Variants in RAB3IL1 observed in about 807,000 individuals in gnomAD.
RAB3IL1 encodes the protein RAB3A interacting protein like 1, also known as guanine nucleotide exchange factor for Rab-3A.
RAB3IL1 carries 37 observed loss-of-function variants against 49.2 expected under a neutral mutation model. The observed-to-expected ratio is 0.75, with a 90% confidence interval of 0.58 to 0.99. The LOEUF is 0.99. Ranked by LOEUF, RAB3IL1 falls within the 50% of genes least tolerant of loss-of-function variation. The pLI is 0.00. For synonymous variants in RAB3IL1, 193 were observed against 213.9 expected (o/e 0.90, Z 0.85); for missense variants, 484 against 513.0 (o/e 0.94, Z 0.55).
chr11:61,922,790 T>C (rs1013117082), upstream of RAB3IL1, among the ~76,000 whole-genome samples: 13 of 152,292 alleles, frequency 8.5e-5, no homozygotes, highest in Admixed American at 7.2e-4. Flanking sequence ...AACCAGATGC[T>C]GTCCTCCCTT....
the RAB3IL1 span, among the ~76,000 whole-genome samples, chr11:61,925,885 G>T: frequency 6.6e-6 from 1 of 152,150 alleles, no homozygotes; most frequent in Non-Finnish European, 1.5e-5. Context: ...CAAGGAGATG[G>T]TTAAACATTT....
chr11:61,914,977 G>T (rs762582780), intron 1 of RAB3IL1, among the ~76,000 whole-genome samples: 11 of 152,116 alleles, frequency 7.2e-5, no homozygotes, highest in Non-Finnish European at 1.5e-4. Context: ...GTCTGGGTGA[G>T]CTCCTAGGAC....
chr11:61,946,268 A>G, the RAB3IL1 span, among the ~76,000 whole-genome samples: 1 of 152,122 alleles, frequency 6.6e-6, no homozygotes, highest in East Asian at 1.9e-4. Flanking sequence ...TACTGCCCCC[A>G]GCCAAGCTGG....
upstream of RAB3IL1, among the ~76,000 whole-genome samples, chr11:61,922,158 G>A (rs1939923625): frequency 6.6e-6 from 1 of 151,468 alleles, no homozygotes; most frequent in African/African-American, 2.4e-5. Context: ...GCAGTGAGCC[G>A]AGATCACGCC....
At chr11:61,917,256 G>T (rs1355283022) in intron 1 of RAB3IL1, 101 bp downstream of exon 1, 35 of 1,313,154 alleles carry the variant, frequency 2.7e-5, no homozygotes, top group Middle Eastern at 2.9e-4. Flanking sequence ...AGCACCTCCG[G>T]GTGGCGGCGC....
the RAB3IL1 span, among the ~76,000 whole-genome samples, chr11:61,929,516 T>G: frequency 1.2e-4 from 17 of 142,146 alleles, 1 homozygote; most frequent in East Asian, 3.1e-3. Context: ...CAAAAAGCTT[T>G]AAAAAAATTT....
the RAB3IL1 span, among the ~76,000 whole-genome samples, chr11:61,943,350 A>G: frequency 0.4 from 61,366 of 152,066 alleles, 13,005 homozygotes; most frequent in Middle Eastern, 0.48. Context: ...AAATAGGTCA[A>G]ATTCCTAAAT....
At position 61,908,091 on chromosome 11, in the gene RAB3IL1, G is replaced by C; in HGVS notation, c.227C>G (p.Ser76Cys). Residue 76 changes from serine (S) to cysteine (C), a missense_variant, in exon 2 of 10, where the codon TCC becomes TGC. Coordinates refer to ENST00000394836, the MANE Select transcript of RAB3IL1 (RefSeq NM_013401.4). The part of the protein sequence containing the change: ...SSSMEIREKG[S>C]EFLKEELHRA... ...GTGCAGCTCCTCCTTCAGGAACTCG[G>C]AGCCCTTCTCTCGGATCTCCATGGA... 6.2e-7 allele frequency: 1 copy of C among 1,611,322 alleles called. No individual in the cohort carries two copies. The highest frequency in any genetic ancestry group is 8.5e-7 in the Non-Finnish European group (1 of 1,179,498).
the RAB3IL1 span, among the ~76,000 whole-genome samples, chr11:61,929,880 C>G: frequency 7.0e-6 from 1 of 142,766 alleles, no homozygotes; most frequent in Admixed American, 7.7e-5. Flanking sequence ...GCCACCGCGC[C>G]CGGCTTTTTT....
At chr11:61,924,852 A>G (rs1439740366), upstream of RAB3IL1, among the ~76,000 whole-genome samples, 1 of 152,180 alleles carries the variant, frequency 6.6e-6, no homozygotes, top group Non-Finnish European at 1.5e-5. Context: ...GCCTGAGCTG[A>G]ATTCCTAGAG....
At chr11:61,912,918 G>T (rs1939521870) in intron 1 of RAB3IL1, among the ~76,000 whole-genome samples, 2 of 151,976 alleles carry the variant, frequency 1.3e-5, no homozygotes, top group Non-Finnish European at 2.9e-5. Flanking sequence ...TGGATGGGGG[G>T]GCAGGAAAAA....
upstream of RAB3IL1, chr11:61,920,182 G>A: frequency 1.6e-6 from 2 of 1,289,692 alleles, no homozygotes; most frequent in Non-Finnish European, 9.9e-7. Flanking sequence ...GTGCTCCTCA[G>A]AAGAGTCCAT....
rs1307093560 is a variant in RAB3IL1, at chr11:61,902,547, G to A, written c.900-6C>T. The A allele has an allele frequency of 1.3e-6, 2 of 1,593,856 alleles. No homozygotes were observed. Among genetic ancestry groups the A allele is most frequent in the African/African-American group, 1.3e-5 (1 of 74,840 alleles). ...GCCCGCTCAGGGCACATGTGCTAGG[G>A]GAAAGCAAAATGGGTCACGGGGGCT... On this transcript the variant is annotated splice_polypyrimidine_tract_variant and splice_region_variant and intron_variant, in intron 7 of 9. Coordinates refer to ENST00000394836, the MANE Select transcript of RAB3IL1 (RefSeq NM_013401.4).
the RAB3IL1 span, among the ~76,000 whole-genome samples, chr11:61,930,246 G>A: frequency 6.6e-6 from 1 of 152,158 alleles, no homozygotes; most frequent in Non-Finnish European, 1.5e-5. Flanking sequence ...ATAGAGAATG[G>A]AGGGGAGGTG....
upstream of RAB3IL1, among the ~76,000 whole-genome samples, chr11:61,922,060 T>C (rs1248408652): frequency 6.6e-6 from 1 of 151,402 alleles, no homozygotes; most frequent in Non-Finnish European, 1.5e-5. Flanking sequence ...ATACAAAAAA[T>C]TAGCCAGGCG....
In RAB3IL1 at chr11:61,902,512, G is replaced by A; in HGVS notation, c.929C>T (p.Thr310Ile). ...CCCGAGCCGGATTCGGTGGCGGCAG[G>A]TGCGGGTCAGCCCGCTCAGGGCACA... is the stretch of plus-strand genomic sequence containing the variant. ...NTCALSGLTR[T>I]CRHRIRLGDS... Residue 310 changes from threonine (T) to isoleucine (I), a missense_variant, in exon 8 of 10, where the codon ACC (threonine) becomes ATC (isoleucine). Physicochemically the swap from Thr to Ile is moderately conservative, Grantham distance 89. Coordinates refer to ENST00000394836, the MANE Select transcript of RAB3IL1 (RefSeq NM_013401.4). 1 of 1,603,662 alleles carries A rather than the reference G, an allele frequency of 6.2e-7. No homozygotes were observed. The highest frequency in any genetic ancestry group is 8.5e-7 in the Non-Finnish European group (1 of 1,176,760).
the RAB3IL1 span, among the ~76,000 whole-genome samples, chr11:61,941,163 T>C: frequency 1.3e-5 from 2 of 151,986 alleles, no homozygotes; most frequent in Non-Finnish European, 2.9e-5. Context: ...CAGAAAGAAT[T>C]ATAGAACACT....
chr11:61,911,941 TAAG>T (rs895837806), intron 1 of RAB3IL1, among the ~76,000 whole-genome samples: 48 of 151,962 alleles, frequency 3.2e-4, no homozygotes, highest in African/African-American at 1.1e-3. Flanking sequence ...ACCCACAAAA[TAAG>T]AAGGAGACCT....
chr11:61,902,479 T>C lies in RAB3IL1; in HGVS notation c.962A>G (p.Lys321Arg). The C allele has an allele frequency of 6.2e-7, 1 of 1,602,738 alleles. No homozygotes were observed. Among genetic ancestry groups the C allele is most frequent in the Non-Finnish European group, 8.5e-7 (1 of 1,176,372 alleles). Reference sequence around the variant, plus strand: ...AGATGGCGAGATGTAGTAATGGCTTTTGGAGTCCCCGAGCCGGATTCGGTG... The same window carrying C: ...AGATGGCGAGATGTAGTAATGGCTTCTGGAGTCCCCGAGCCGGATTCGGTG... ...CRHRIRLGDSKSHYYISPSSR... is the reference protein window; with the variant it reads ...CRHRIRLGDSRSHYYISPSSR... The change falls in exon 8 of 10, where the codon AAA (lysine) becomes AGA (arginine). Residue 321 changes from lysine (K) to arginine (R), a missense_variant. By Grantham distance (26) the Lys-to-Arg change is conservative. Coordinates refer to ENST00000394836, the MANE Select transcript of RAB3IL1 (RefSeq NM_013401.4).
Sources: allele counts gnomAD v4.1 joint callset (sites outside exome capture counted in the v4.1 genomes callset), GRCh38; gene constraint gnomAD v4.1.1; transcripts MANE v1.5; gene names NCBI Gene and HGNC (gene_info 2026-07-23, HGNC 2026-07-21).